The following DSCAM variants were observed in gnomAD, a reference collection of about 807,000 sequenced individuals.
DSCAM encodes the protein cell adhesion molecule DSCAM.
Under a neutral mutation model 217.7 loss-of-function variants are expected in DSCAM, and 47 were observed. The ratio of observed to expected loss-of-function variants is 0.22; its 90% CI spans 0.17 to 0.28. The LOEUF (loss-of-function observed/expected upper bound fraction) is 0.28. Among genes scored for constraint, DSCAM ranks in the 10% least tolerant of loss-of-function variants. The probability of loss-of-function intolerance (pLI) is 1.00; values close to 1 mark genes in which losing one functional copy is unlikely to be tolerated. For synonymous variants in DSCAM, 1,056 were observed against 1,015.3 expected, an observed-to-expected ratio of 1.04 and a Z score of -0.76; for missense variants, 2,080 against 2,618.3, an observed-to-expected ratio of 0.79 and a Z score of 4.49.
rs569726222 is a variant in DSCAM at position 40,620,038 on chromosome 21, A to G, written c.508+72772T>C. 1.6e-3 allele frequency among the ~76,000 whole-genome samples: 187 copies of G among 115,830 alleles called. 3 individuals are homozygous for G. The highest frequency in any genetic ancestry group is 2.8e-3 in the Non-Finnish European group (155 of 54,660). The allele number at this position is 115,830 out of a possible 152,430, so 76.0% of individuals were successfully genotyped here. ...AGAAAAAGAAAGAAAGAGAGAGAGA[A>G]AGAGAGAGAAAAAAGAAAAAGAAAG... On this transcript the variant is annotated intron_variant, in intron 3 of 32. Transcript: ENST00000400454.
chr21:40,193,955 C>G (rs572463331), intron 11 of DSCAM, among the ~76,000 whole-genome samples: 2 of 152,188 alleles, frequency 1.3e-5, no homozygotes, highest in African/African-American at 4.8e-5. Flanking sequence ...TACTTTAAAA[C>G]CACCAACTGG....
chr21:40,056,512 T>C (rs75899123), intron 28 of DSCAM, among the ~76,000 whole-genome samples: 3,282 of 151,994 alleles, frequency 0.022, 117 homozygotes, highest in African/African-American at 0.074. Flanking sequence ...TAAAACTGCA[T>C]GGTAGAATCG....
intron 4 of DSCAM, among the ~76,000 whole-genome samples, chr21:40,363,341 C>T (rs1217383959): frequency 6.7e-6 from 1 of 150,250 alleles, no homozygotes; most frequent in East Asian, 2.0e-4. Context: ...CAACCTCTGC[C>T]TCCTGAGTTC....
intron 11 of DSCAM, among the ~76,000 whole-genome samples, chr21:40,190,145 C>A (rs772356527): frequency 1.3e-5 from 2 of 152,152 alleles, no homozygotes; most frequent in African/African-American, 4.8e-5. Flanking sequence ...GAAAAGGGAA[C>A]CCTTTATTTG....
intron 3 of DSCAM, among the ~76,000 whole-genome samples, chr21:40,518,678 G>T (rs924043856): frequency 7.4e-6 from 1 of 134,758 alleles, no homozygotes; most frequent in Non-Finnish European, 1.5e-5. Context: ...GTATGTGTGT[G>T]TATGTATATA....
intron 3 of DSCAM, among the ~76,000 whole-genome samples, chr21:40,489,774 CAAAAAAAAAAAA>C (rs35247505): frequency 1.0e-3 from 47 of 47,190 alleles, no homozygotes; most frequent in South Asian, 9.1e-3. Flanking sequence ...GACTCCGTCT[CAAAAAAAAAAAA>C]AAAAAAAAAA....
At chr21:40,247,108 C>T (rs893985435) in intron 11 of DSCAM, among the ~76,000 whole-genome samples, 5 of 152,098 alleles carry the variant, frequency 3.3e-5, no homozygotes, top group South Asian at 2.1e-4. Context: ...GCATGTGAAA[C>T]GCTGACCCCC....
At chr21:40,703,058 T>C (rs986986832) in intron 2 of DSCAM, among the ~76,000 whole-genome samples, 1 of 152,230 alleles carries the variant, frequency 6.6e-6, no homozygotes, top group African/African-American at 2.4e-5. Flanking sequence ...TAGATACTCA[T>C]GTAGTTACCA....
intron 20 of DSCAM, among the ~76,000 whole-genome samples, chr21:40,121,610 C>G (rs2090034135): frequency 6.6e-6 from 1 of 150,946 alleles, no homozygotes; most frequent in South Asian, 2.1e-4. Context: ...AAAGGCAACA[C>G]AGAGATACCC....
At chr21:40,830,676 T>C (rs559703557) in intron 1 of DSCAM, among the ~76,000 whole-genome samples, 5 of 152,184 alleles carry the variant, frequency 3.3e-5, no homozygotes, top group African/African-American at 1.2e-4. Context: ...TTTCCGCAAG[T>C]GTAAAGTGGA....
intron 10 of DSCAM, among the ~76,000 whole-genome samples, chr21:40,291,770 C>T (rs2073895454): frequency 6.6e-6 from 1 of 152,210 alleles, no homozygotes; most frequent in Non-Finnish European, 1.5e-5. Context: ...CAGCGTCACC[C>T]CCCAGGCATG....
chr21:40,458,560 A>C (rs2075781588), intron 3 of DSCAM, among the ~76,000 whole-genome samples: 1 of 152,214 alleles, frequency 6.6e-6, no homozygotes, highest in African/African-American at 2.4e-5. Context: ...CAAAAGGAAC[A>C]AGTTAATAAA....
At chr21:40,836,414 C>T (rs1267044342) in intron 1 of DSCAM, among the ~76,000 whole-genome samples, 1 of 152,154 alleles carries the variant, frequency 6.6e-6, no homozygotes, top group African/African-American at 2.4e-5. Context: ...TGCTAGCATC[C>T]ACATTGGGAG....
chr21:40,522,621 T>C (rs1316607226), intron 3 of DSCAM, among the ~76,000 whole-genome samples: 2 of 152,218 alleles, frequency 1.3e-5, no homozygotes, highest in East Asian at 1.9e-4. Flanking sequence ...GCAGGATACA[T>C]ATTTTTTTCC....
rs115236330 is a variant in DSCAM at position 40,252,163 on chromosome 21, A to C, written c.2356+23934T>G. Among the ~76,000 whole-genome samples the C allele has an allele frequency of 1.5e-3, 228 of 152,338 alleles. 1 individual carries two copies. Among genetic ancestry groups the C allele is most frequent in the African/African-American group, 5.2e-3 (217 of 41,586 alleles). On this transcript the variant is annotated intron_variant, in intron 11 of 32. Coordinates refer to ENST00000400454, the MANE Select transcript of DSCAM (RefSeq NM_001389.5). ...AAGCTATGTCTGGACTCCTGGACCC[A>C]CAAAAACTGTAAGAACATAAGTGTA...
intron 11 of DSCAM, among the ~76,000 whole-genome samples, chr21:40,241,293 G>A (rs1461427961): frequency 1.3e-5 from 2 of 151,932 alleles, no homozygotes; most frequent in Non-Finnish European, 2.9e-5. Context: ...ATTTACAAGG[G>A]AAAAACAAAC....
rs373254647 is a variant in DSCAM at position 40,498,630 on chromosome 21, GTATA to G, written c.509-129389_509-129386del. Among the ~76,000 whole-genome samples the G allele has an allele frequency of 3.8e-3, 379 of 99,648 alleles. 2 individuals carry two copies. The highest frequency in any genetic ancestry group is 0.012 in the African/African-American group (360 of 28,916). The allele number at this position is 99,648 out of a possible 152,430, so 65.4% of individuals were successfully genotyped here. ...TATATAATATGTATATATGCACTAT[GTATA>G]TATATATATATAGTGTGTGTGTATA... On this transcript the variant is annotated intron_variant, in intron 3 of 32. Transcript: ENST00000400454.
At chr21:40,403,320 C>T (rs1348186358) in intron 3 of DSCAM, among the ~76,000 whole-genome samples, 5 of 145,400 alleles carry the variant, frequency 3.4e-5, no homozygotes, top group African/African-American at 7.7e-5. Context: ...TTTTTTGAGA[C>T]AAGGTCTCAC....
At chr21:40,634,239 A>C (rs2089726862) in intron 3 of DSCAM, among the ~76,000 whole-genome samples, 1 of 152,206 alleles carries the variant, frequency 6.6e-6, no homozygotes, top group South Asian at 2.1e-4. Context: ...ATGTTTCAGG[A>C]ATGAGATTCA....
Sources: gnomAD v4.1 joint callset for allele counts (sites outside exome capture counted in the v4.1 genomes callset) on GRCh38, gnomAD v4.1.1 for gene constraint, MANE v1.5 for transcripts, NCBI Gene and HGNC (gene_info 2026-07-23, HGNC 2026-07-21) for gene names.